SLC4A4: variants seen among roughly 807,000 people sequenced by gnomAD.
SLC4A4 encodes the protein electrogenic sodium bicarbonate cotransporter 1.
In SLC4A4, 27 loss-of-function variants were observed where a neutral mutation model predicts 111.5. The ratio of observed to expected loss-of-function variants is 0.24; its 90% CI spans 0.18 to 0.33. SLC4A4 has a LOEUF of 0.33. Among genes scored for constraint, SLC4A4 ranks in the 10% least tolerant of loss-of-function variants. The pLI is 1.00. For missense variants in SLC4A4, 909 were observed against 1,315.5 expected (o/e 0.69, Z 4.78); for synonymous variants, 443 against 463.4 (o/e 0.96, Z 0.57).
At chr4:71,458,336 T>C (rs1406239292) in intron 12 of SLC4A4, among the ~76,000 whole-genome samples, 1 of 152,126 alleles carries the variant, frequency 6.6e-6, no homozygotes, top group East Asian at 1.9e-4. Context: ...AAGTCTTATA[T>C]TATTTAAAAA....
At chr4:71,431,030 A>ATAACCATC (rs1723600756) in intron 7 of SLC4A4, among the ~76,000 whole-genome samples, 1 of 152,094 alleles carries the variant, frequency 6.6e-6, no homozygotes. Flanking sequence ...AGCAGAAATA[A>ATAACCATC]TAACCATCAC....
chr4:71,376,919 G>C (rs541742643), intron 6 of SLC4A4, among the ~76,000 whole-genome samples: 129 of 152,232 alleles, frequency 8.5e-4, no homozygotes, highest in African/African-American at 2.9e-3. Context: ...TTACAGGCGT[G>C]AGCACCTCAC....
At chr4:71,343,785 A>G (rs1229188085) in intron 4 of SLC4A4, among the ~76,000 whole-genome samples, 1 of 152,074 alleles carries the variant, frequency 6.6e-6, no homozygotes, top group Non-Finnish European at 1.5e-5. Context: ...ATTATCTGCC[A>G]TCATCTCTTT....
chr4:71,337,357 A>G (rs1185593156), intron 3 of SLC4A4, among the ~76,000 whole-genome samples: 1 of 152,118 alleles, frequency 6.6e-6, no homozygotes. Flanking sequence ...CTAAAATGGG[A>G]TCATTTAATG....
Position 71,555,013 on chromosome 4 carries a change from T to G in SLC4A4, c.2695-127T>G, listed in dbSNP as rs188260865. 6.7e-4 allele frequency: 493 copies of G among 739,344 alleles called. 1 individual carries two copies. The African/African-American group carries it at 7.1e-3, about 11-fold the overall frequency. 45.8% of individuals were successfully genotyped at this position (739,344 alleles called of 1,614,324 possible). ...TCAATTGACTAGTAAAGCATACTAG[T>G]TAGAGGTCACTAAGTTATTATATCC... On this transcript the variant is annotated intron_variant, in intron 20 of 25. Coordinates refer to ENST00000264485, the MANE Select transcript of SLC4A4 (RefSeq NM_001098484.3).
At chr4:71,086,400 T>G (rs1742172730) in intron 1 of SLC4A4, among the ~76,000 whole-genome samples, 1 of 151,968 alleles carries the variant, frequency 6.6e-6, no homozygotes, top group Admixed American at 6.6e-5. Flanking sequence ...CTTTATTTCT[T>G]TCTCCTGCCT....
At position 71,534,265 on chromosome 4, in the gene SLC4A4, T is replaced by C. The variant is rs138535007; in HGVS notation, c.2319T>C (p.Phe773=). ...ACCGAGGTTGGTTCGTTCCACCGTT[T>C]GGAGAAAACCCCTGGTGGGTGTGCC... ...SPNRGWFVPP[F]GENPWWVCLA... The change falls in exon 18 of 26, where the codon TTT becomes TTC. Residue 773 remains phenylalanine (F), a synonymous_variant. Coordinates refer to ENST00000264485, the MANE Select transcript of SLC4A4 (RefSeq NM_001098484.3). 7.1e-5 allele frequency: 115 copies of C among 1,613,588 alleles called. 1 individual carries two copies. The African/African-American group carries it at 1.3e-3, about 19-fold the overall frequency.
In SLC4A4 at chr4:71,546,684, G is replaced by A. The variant is rs192130557; in HGVS notation, c.2621+156G>A. ...TCCAGAAAGGACTAAATTTTCATCAGAGGTTTCAGTGATTTTTTTAGTTTA... is the reference window on the plus strand; with the variant it reads ...TCCAGAAAGGACTAAATTTTCATCAAAGGTTTCAGTGATTTTTTTAGTTTA... On this transcript the variant is annotated intron_variant, in intron 19 of 25. Coordinates refer to ENST00000264485, the MANE Select transcript of SLC4A4 (RefSeq NM_001098484.3). Among the ~76,000 whole-genome samples the A allele has an allele frequency of 2.0e-5, 3 of 152,100 alleles. No homozygotes were observed. In the East Asian group the frequency reaches 5.8e-4, roughly 30 times the overall value.
Position 71,567,006 on chromosome 4 carries a change from G to A in SLC4A4, c.3199G>A (p.Glu1067Lys), listed in dbSNP as rs1485904286. 6.2e-7 allele frequency: 1 copy of A among 1,609,010 alleles called. No individual in the cohort carries two copies. The highest frequency in any genetic ancestry group is 1.3e-5 in the African/African-American group (1 of 74,586). Reference protein sequence around the residue: ...FLSDSKPSDRERSPTFLERHT... With the variant: ...FLSDSKPSDRKRSPTFLERHT... ...TTTTAAAAAATTTTATTTTCCAGGAGAAAGATCACCAACATTCCTTGAACG... is the reference window on the plus strand; with the variant it reads ...TTTTAAAAAATTTTATTTTCCAGGAAAAAGATCACCAACATTCCTTGAACG... The change falls in exon 25 of 26, where the codon GAA (glutamate) becomes AAA (lysine). Residue 1067 changes from glutamate to lysine, a missense_variant and splice_region_variant. Glu to Lys is a moderately conservative substitution (Grantham distance 56). This residue lies in a region of SLC4A4 where 85 missense variants were observed against 79.8 expected (regional missense o/e 1.07). Transcript: ENST00000264485.
intron 14 of SLC4A4, among the ~76,000 whole-genome samples, chr4:71,483,934 CT>C (rs34187974): frequency 0.57 from 86,297 of 151,136 alleles, 27,361 homozygotes; most frequent in Non-Finnish European, 0.73. Flanking sequence ...TGATGTTGAG[CT>C]TTTTTTTTCA....
chr4:71,087,538 A>G (rs949194568), intron 1 of SLC4A4, among the ~76,000 whole-genome samples: 3 of 152,004 alleles, frequency 2.0e-5, no homozygotes, highest in Non-Finnish European at 4.4e-5. Context: ...TCTAGTGGGC[A>G]TTTAGTGCTA....
chr4:71,284,567 G>A (rs1346137682), intron 3 of SLC4A4, among the ~76,000 whole-genome samples: 3 of 152,228 alleles, frequency 2.0e-5, no homozygotes, highest in Admixed American at 2.0e-4. Context: ...TTTGGGTGAT[G>A]TGATGTTTTT....
At chr4:71,097,758 G>T (rs1177418860) in intron 2 of SLC4A4, among the ~76,000 whole-genome samples, 2 of 152,056 alleles carry the variant, frequency 1.3e-5, no homozygotes, top group African/African-American at 4.8e-5. Flanking sequence ...GTTTTGGTTT[G>T]CATTTTTCTA....
At chr4:71,551,681 T>G (rs2149242691) in intron 20 of SLC4A4, among the ~76,000 whole-genome samples, 1 of 152,046 alleles carries the variant, frequency 6.6e-6, no homozygotes, top group African/African-American at 2.4e-5. Context: ...ACATAGTACT[T>G]GCTCTCAAAG....
intron 12 of SLC4A4, among the ~76,000 whole-genome samples, chr4:71,464,393 A>G (rs1727124948): frequency 6.6e-6 from 1 of 152,176 alleles, no homozygotes; most frequent in Non-Finnish European, 1.5e-5. Flanking sequence ...CTGCATAAAT[A>G]CATCTTGGTT....
At chr4:71,318,087 A>G (rs966772630) in intron 3 of SLC4A4, among the ~76,000 whole-genome samples, 1 of 152,076 alleles carries the variant, frequency 6.6e-6, no homozygotes, top group African/African-American at 2.4e-5. Flanking sequence ...TGATGAATTG[A>G]AAGAATAAAA....
At chr4:71,271,174 C>G (rs971973330) in intron 3 of SLC4A4, among the ~76,000 whole-genome samples, 1 of 152,102 alleles carries the variant, frequency 6.6e-6, no homozygotes, top group African/African-American at 2.4e-5. Flanking sequence ...AATACCTGAC[C>G]TTTACATAGT....
intron 4 of SLC4A4, among the ~76,000 whole-genome samples, chr4:71,343,201 A>G (rs771932258): frequency 3.3e-4 from 50 of 152,174 alleles, no homozygotes; most frequent in Non-Finnish European, 5.3e-4. Flanking sequence ...ACTGTTCTGA[A>G]TATAATACTT....
At chr4:71,533,117 T>C (rs1275895623) in intron 17 of SLC4A4, among the ~76,000 whole-genome samples, 2 of 152,158 alleles carry the variant, frequency 1.3e-5, no homozygotes, top group Non-Finnish European at 2.9e-5. Flanking sequence ...GCAGTTTTAG[T>C]TTAATAACTG....
Sources: allele counts gnomAD v4.1 joint callset (sites outside exome capture counted in the v4.1 genomes callset), GRCh38; gene constraint gnomAD v4.1.1; regional missense constraint gnomAD v4.1.1; transcripts MANE v1.5; gene names NCBI Gene and HGNC (gene_info 2026-07-23, HGNC 2026-07-21).